The following PLEKHA2 variants were observed in gnomAD, a reference collection of about 807,000 sequenced individuals.
The protein encoded by PLEKHA2 is pleckstrin homology domain-containing family A member 2.
Under a neutral mutation model 53.2 loss-of-function variants are expected in PLEKHA2, and 28 were observed. The ratio of observed to expected loss-of-function variants is 0.53; its 90% confidence interval spans 0.39 to 0.72. The LOEUF (loss-of-function observed/expected upper bound fraction) is 0.72. Ranked by LOEUF, PLEKHA2 falls within the 30% of genes least tolerant of loss-of-function variation. PLEKHA2 has a pLI of 0.00. For missense variants in PLEKHA2, 426 were observed against 537.9 expected, an observed-to-expected ratio of 0.79 and a Z score of 2.06; for synonymous variants, 193 against 196.4, an observed-to-expected ratio of 0.98 and a Z score of 0.14.
intron 10 of PLEKHA2, among the ~76,000 whole-genome samples, chr8:38,964,485 G>A (rs1425651423): frequency 1.3e-5 from 2 of 152,152 alleles, no homozygotes; most frequent in Non-Finnish European, 2.9e-5. Flanking sequence ...CTGATGATCT[G>A]AGGTGGAACA....
chr8:38,948,846 G>A (rs927665403), intron 5 of PLEKHA2, among the ~76,000 whole-genome samples: 1 of 151,972 alleles, frequency 6.6e-6, no homozygotes, highest in African/African-American at 2.4e-5. Context: ...GGAAGTCAGA[G>A]TTTAGTAGAC....
chr8:38,960,277 A>G (rs970102925), intron 10 of PLEKHA2, among the ~76,000 whole-genome samples: 37 of 152,254 alleles, frequency 2.4e-4, no homozygotes, highest in African/African-American at 8.2e-4. Context: ...AGAGAATAGT[A>G]TAGATTAAAA....
chr8:38,967,577 A>G (rs1193207278), intron 10 of PLEKHA2, among the ~76,000 whole-genome samples: 2 of 152,122 alleles, frequency 1.3e-5, no homozygotes, highest in Admixed American at 1.3e-4. Flanking sequence ...GCATTTCTCC[A>G]ATGATTAGGG....
intron 2 of PLEKHA2, among the ~76,000 whole-genome samples, chr8:38,930,688 G>A (rs1023362379): frequency 6.6e-6 from 1 of 152,142 alleles, no homozygotes; most frequent in African/African-American, 2.4e-5. Flanking sequence ...GCATGACACG[G>A]GAATCTCCAT....
chr8:38,958,317 T>A (rs1156405700), intron 10 of PLEKHA2, among the ~76,000 whole-genome samples: 3 of 129,252 alleles, frequency 2.3e-5, no homozygotes, highest in Admixed American at 1.8e-4. Context: ...AGCGAGACTT[T>A]GTCTCAAAAA....
At chr8:38,960,362 C>G (rs1232012727) in intron 10 of PLEKHA2, among the ~76,000 whole-genome samples, 1 of 152,074 alleles carries the variant, frequency 6.6e-6, no homozygotes. Flanking sequence ...ACCTGTCGTC[C>G]CAGCTACTTG....
At chr8:38,950,824 T>G (rs758631135) in intron 5 of PLEKHA2, 26 bp from the exon 6 acceptor site, 2 of 1,606,474 alleles carry the variant, frequency 1.2e-6, no homozygotes, top group Non-Finnish European at 1.7e-6. Flanking sequence ...CTGTTCCCCA[T>G]TGATTGTTGC....
chr8:38,953,910 C>T (rs1834890136), intron 9 of PLEKHA2, among the ~76,000 whole-genome samples: 1 of 152,202 alleles, frequency 6.6e-6, no homozygotes, highest in Admixed American at 6.5e-5. Flanking sequence ...ATTCCTCTGT[C>T]CACTAGGAAA....
intron 5 of PLEKHA2, among the ~76,000 whole-genome samples, chr8:38,949,792 G>A (rs757768083): frequency 3.3e-5 from 5 of 152,162 alleles, no homozygotes; most frequent in Non-Finnish European, 7.4e-5. Context: ...TAACCACAAC[G>A]ATGGTTATGA....
chr8:38,972,213 G>GTCTCA lies in PLEKHA2; in HGVS notation c.*2431_*2435dup, dbSNP rs1835264195. ...TTTTTTTTAATTTTTAAAAGACAGG[G>GTCTCA]TCTCACTCTCTTACCCAGGCTAGAG... On this transcript the variant is annotated 3_prime_UTR_variant, in exon 12 of 12. Transcript: ENST00000617275. 1 of 151,780 alleles carries GTCTCA rather than the reference G, an allele frequency of 6.6e-6. No homozygotes were observed. The highest frequency in any genetic ancestry group is 1.9e-4 in the East Asian group (1 of 5,182). The allele number at this position is 151,780 out of a possible 1,614,324, so 9.4% of individuals were successfully genotyped here.
At chr8:38,901,613 A>G (rs1833786470) in intron 1 of PLEKHA2, among the ~76,000 whole-genome samples, 168 bp downstream of exon 1, 1 of 151,752 alleles carries the variant, frequency 6.6e-6, no homozygotes, top group African/African-American at 2.4e-5. Flanking sequence ...CTGACAGGCG[A>G]GGGGAGGTGG....
chr8:38,940,830 G>T (rs542248764), intron 3 of PLEKHA2, among the ~76,000 whole-genome samples: 95 of 151,860 alleles, frequency 6.3e-4, no homozygotes, highest in African/African-American at 2.2e-3. Flanking sequence ...TAGGTTTTTC[G>T]TAGGCTCTGT....
chr8:38,940,093 TAAAAA>T (rs71216698), intron 3 of PLEKHA2, among the ~76,000 whole-genome samples: 2 of 106,640 alleles, frequency 1.9e-5, no homozygotes, highest in Non-Finnish European at 1.8e-5. Context: ...CCCTATCTCT[TAAAAA>T]AAAAAAAAAA....
At chr8:38,921,103 A>C (rs1486727070) in intron 2 of PLEKHA2, among the ~76,000 whole-genome samples, 3 of 152,142 alleles carry the variant, frequency 2.0e-5, no homozygotes, top group Non-Finnish European at 4.4e-5. Flanking sequence ...GACTGGCCTG[A>C]ACTCTTGGTT....
intron 2 of PLEKHA2, among the ~76,000 whole-genome samples, chr8:38,921,048 G>A (rs1157234884): frequency 6.6e-6 from 1 of 151,980 alleles, no homozygotes; most frequent in Non-Finnish European, 1.5e-5. Context: ...TGATCCACCG[G>A]CCTCGGCCTC....
intron 3 of PLEKHA2, 102 bp downstream of exon 3, chr8:38,936,152 G>A (rs543277568): frequency 2.9e-5 from 36 of 1,255,124 alleles, no homozygotes; most frequent in African/African-American, 8.9e-5. Flanking sequence ...ATTTAGGGAC[G>A]TTGCATGGTG....
intron 10 of PLEKHA2, among the ~76,000 whole-genome samples, chr8:38,965,678 A>G (rs569038241): frequency 1.3e-5 from 2 of 152,270 alleles, no homozygotes; most frequent in East Asian, 1.9e-4. Context: ...TCTTTGAGGT[A>G]GGAATTAGCT....
In PLEKHA2 at chr8:38,970,586, C is replaced by A; in HGVS notation, c.*803C>A. ...CTGAGGCGGGTGGATCACCTGAGGT[C>A]AGGAGTTCGAGATCAGCCTGGCCAA... On this transcript the variant is annotated 3_prime_UTR_variant, in exon 12 of 12. Transcript: ENST00000617275. The A allele has an allele frequency of 5.9e-6, 1 of 168,684 alleles. No homozygotes were observed. The allele number at this position is 168,684 out of a possible 1,614,324, so 10.4% of individuals were successfully genotyped here.
At chr8:38,917,050 T>C (rs1481539801) in intron 1 of PLEKHA2, among the ~76,000 whole-genome samples, 1 of 152,258 alleles carries the variant, frequency 6.6e-6, no homozygotes, top group Non-Finnish European at 1.5e-5. Flanking sequence ...TTCATGTGCC[T>C]GTTTGCCACT....
Sources: gnomAD v4.1 joint callset for allele counts (sites outside exome capture counted in the v4.1 genomes callset) on GRCh38, gnomAD v4.1.1 for gene constraint, MANE v1.5 for transcripts, NCBI Gene and HGNC (gene_info 2026-07-23, HGNC 2026-07-21) for gene names.